The following MAP4K4 variants were observed in gnomAD, a reference collection of about 807,000 sequenced individuals.
MAP4K4 encodes the protein HPK/GCK-like kinase HGK.
In MAP4K4, 38 loss-of-function variants were observed where a neutral mutation model predicts 189.6. That is an observed-to-expected ratio of 0.20 (90% confidence interval 0.15 to 0.26). The LOEUF (loss-of-function observed/expected upper bound fraction) is 0.26. Among genes scored for constraint, MAP4K4 ranks in the 10% least tolerant of loss-of-function variants. The pLI is 1.00. For missense variants in MAP4K4, 1,054 were observed against 1,726.9 expected, an observed-to-expected ratio of 0.61 and a Z score of 6.91; for synonymous variants, 610 against 624.3, an observed-to-expected ratio of 0.98 and a Z score of 0.34.
At chr2:101,764,240 C>T (rs1458088465) in intron 2 of MAP4K4, among the ~76,000 whole-genome samples, 1 of 152,050 alleles carries the variant, frequency 6.6e-6, no homozygotes, top group Admixed American at 6.6e-5. Flanking sequence ...TGTAGCATTG[C>T]ACTGTAATGT....
chr2:101,700,316 C>T (rs936627118), intron 2 of MAP4K4, among the ~76,000 whole-genome samples: 2 of 152,168 alleles, frequency 1.3e-5, no homozygotes, highest in East Asian at 1.9e-4. Context: ...TTCCATTCCC[C>T]GCAACCTTCC....
At chr2:101,877,874 C>T (rs1171756307) in intron 27 of MAP4K4, among the ~76,000 whole-genome samples, 2 of 152,108 alleles carry the variant, frequency 1.3e-5, no homozygotes, top group South Asian at 2.1e-4. Flanking sequence ...CTCAGCCTCC[C>T]GAGTAGCTGG....
At chr2:101,831,815 C>T in exon 7 of MAP4K4, 3 of 1,612,842 alleles carry the variant, frequency 1.9e-6, no homozygotes, top group Non-Finnish European at 2.5e-6. Context: ...AGGTCATCGC[C>T]TGTGATGAGA....
At chr2:101,713,173 G>T (rs528785854) in intron 2 of MAP4K4, among the ~76,000 whole-genome samples, 3 of 152,014 alleles carry the variant, frequency 2.0e-5, no homozygotes, top group African/African-American at 4.8e-5. Flanking sequence ...CTCCCAAAGT[G>T]CTGGGATTAC....
chr2:101,854,562 C>T (rs1338826382), intron 12 of MAP4K4, among the ~76,000 whole-genome samples: 1 of 152,180 alleles, frequency 6.6e-6, no homozygotes, highest in African/African-American at 2.4e-5. Context: ...ATCATCGTTG[C>T]TATCCAGTTA....
intron 32 of MAP4K4, among the ~76,000 whole-genome samples, chr2:101,889,643 CCTTT>C (rs1407678152): frequency 2.6e-5 from 4 of 152,086 alleles, no homozygotes; most frequent in Non-Finnish European, 5.9e-5. Context: ...CTAAGCCTAC[CCTTT>C]CTTTCTTCTG....
chr2:101,852,147 T>G (rs934280528), intron 12 of MAP4K4, among the ~76,000 whole-genome samples: 14 of 152,034 alleles, frequency 9.2e-5, no homozygotes, highest in East Asian at 3.9e-4. Context: ...GTTTTTTTTT[T>G]TTGTTTTTAT....
intron 3 of MAP4K4, among the ~76,000 whole-genome samples, chr2:101,821,941 A>G (rs930257822): frequency 6.6e-6 from 1 of 152,174 alleles, no homozygotes; most frequent in Non-Finnish European, 1.5e-5. Flanking sequence ...CACACACGTT[A>G]TCTTAGGCCT....
chr2:101,768,837 A>G (rs1306905391), intron 2 of MAP4K4, among the ~76,000 whole-genome samples: 1 of 152,222 alleles, frequency 6.6e-6, no homozygotes, highest in Non-Finnish European at 1.5e-5. Context: ...TTCATCTTTT[A>G]GCAGAAGGCA....
chr2:101,840,080 G>C, intron 10 of MAP4K4, 86 bp downstream of exon 10: 1 of 1,318,840 alleles, frequency 7.6e-7, no homozygotes, highest in Admixed American at 2.5e-5. Context: ...CTTCCCAGCT[G>C]TGAGAGTGCT....
At chr2:101,741,390 A>C (rs770253983) in intron 2 of MAP4K4, among the ~76,000 whole-genome samples, 2 of 151,682 alleles carry the variant, frequency 1.3e-5, no homozygotes, top group Non-Finnish European at 2.9e-5. Context: ...GGATGGTCTC[A>C]ATCTCCTGAC....
intron 3 of MAP4K4, chr2:101,797,121 C>A: frequency 1.2e-6 from 1 of 822,140 alleles, no homozygotes; most frequent in African/African-American, 1.8e-5. Context: ...CAATTTTACC[C>A]TTTTCATTTG....
intron 9 of MAP4K4, among the ~76,000 whole-genome samples, chr2:101,837,599 C>T (rs2149499140): frequency 6.6e-6 from 1 of 152,176 alleles, no homozygotes; most frequent in East Asian, 1.9e-4. Context: ...CTAGGGAAAC[C>T]ATCAGTGTAT....
intron 21 of MAP4K4, among the ~76,000 whole-genome samples, 177 bp from the exon 22 acceptor site, chr2:101,869,443 CTT>C (rs1446490179): frequency 1.3e-5 from 2 of 149,518 alleles, no homozygotes; most frequent in African/African-American, 2.5e-5. Flanking sequence ...TAATCTCTCT[CTT>C]GACTTTATTT....
chr2:101,886,616 G>A (rs2098485431), intron 29 of MAP4K4, among the ~76,000 whole-genome samples: 2 of 152,210 alleles, frequency 1.3e-5, no homozygotes, highest in Admixed American at 1.3e-4. Flanking sequence ...GTGTCTTCTA[G>A]ATGCTAATTA....
chr2:101,721,632 C>T (rs901281795), intron 2 of MAP4K4, among the ~76,000 whole-genome samples: 3 of 152,190 alleles, frequency 2.0e-5, no homozygotes, highest in African/African-American at 4.8e-5. Context: ...GACAGGGTTT[C>T]ACCATTATTG....
intron 2 of MAP4K4, among the ~76,000 whole-genome samples, chr2:101,715,145 T>A (rs995737844): frequency 2.0e-5 from 3 of 152,206 alleles, no homozygotes; most frequent in African/African-American, 7.2e-5. Flanking sequence ...TGGTTTTTCC[T>A]GAGGCTCCTT....
At chr2:101,845,318 GC>G (rs2097066161) in intron 12 of MAP4K4, among the ~76,000 whole-genome samples, 1 of 152,068 alleles carries the variant, frequency 6.6e-6, no homozygotes, top group Non-Finnish European at 1.5e-5. Flanking sequence ...CATTAATATT[GC>G]TAACATTGGT....
At chr2:101,866,710 G>C in intron 19 of MAP4K4, 131 bp downstream of exon 19, 1 of 1,153,798 alleles carries the variant, frequency 8.7e-7, no homozygotes, top group South Asian at 1.6e-5. Flanking sequence ...TAGGTTGCTA[G>C]TGACAATAAT....
Sources: gnomAD v4.1 joint callset for allele counts (sites outside exome capture counted in the v4.1 genomes callset) on GRCh38, gnomAD v4.1.1 for gene constraint, MANE v1.5 for transcripts, NCBI Gene and HGNC (gene_info 2026-07-23, HGNC 2026-07-21) for gene names.